Variants in GPHN observed in about 807,000 individuals in gnomAD.
The protein encoded by GPHN is gephyrin.
A neutral mutation model predicts 95.5 loss-of-function variants in GPHN; 17 were observed. The observed-to-expected ratio is 0.18, with a 90% CI of 0.12 to 0.27. GPHN has a LOEUF of 0.27. Ranked by LOEUF, GPHN falls within the 10% of genes least tolerant of loss-of-function variation. The probability of loss-of-function intolerance (pLI) is 1.00; values close to 1 mark genes in which losing one functional copy is unlikely to be tolerated. For synonymous variants in GPHN, 320 were observed against 322.5 expected (o/e 0.99, Z 0.08); for missense variants, 660 against 978.1 (o/e 0.67, Z 4.34).
chr14:67,256,602 C>T, the GPHN span, among the ~76,000 whole-genome samples: 4,630 of 152,158 alleles, frequency 0.03, 87 homozygotes, highest in Non-Finnish European at 0.036. Flanking sequence ...GGCTGGAGTG[C>T]AGTGGTGTGA....
intron 3 of GPHN, among the ~76,000 whole-genome samples, chr14:66,816,477 T>C (rs1463466716): frequency 1.3e-5 from 2 of 152,126 alleles, no homozygotes; most frequent in East Asian, 3.9e-4. Context: ...TGCAATCAAA[T>C]TAGAAATTAA....
At chr14:67,653,648 T>C in the GPHN span, 54 of 651,520 alleles carry the variant, frequency 8.3e-5, no homozygotes, top group Non-Finnish European at 9.2e-5. Context: ...TGAGTGTAAG[T>C]AGAAGAACCT....
chr14:66,656,004 T>C (rs566796011), intron 1 of GPHN, among the ~76,000 whole-genome samples: 30 of 152,266 alleles, frequency 2.0e-4, no homozygotes, highest in Non-Finnish European at 3.5e-4. Flanking sequence ...TTTACTAATA[T>C]TTTGTTAAGG....
the GPHN span, among the ~76,000 whole-genome samples, chr14:67,514,284 A>G: frequency 9.9e-5 from 15 of 152,156 alleles, no homozygotes. Context: ...AAGGAAGGGA[A>G]AGGGGTCCGT....
chr14:67,252,921 G>A, the GPHN span, among the ~76,000 whole-genome samples: 2 of 152,174 alleles, frequency 1.3e-5, no homozygotes, highest in African/African-American at 4.8e-5. Context: ...TTACTGGGAG[G>A]AAATCTAACA....
intron 1 of GPHN, among the ~76,000 whole-genome samples, chr14:66,574,291 TCTC>T (rs1457561267): frequency 2.6e-5 from 4 of 152,324 alleles, no homozygotes; most frequent in African/African-American, 9.6e-5. Flanking sequence ...TATGCTAACT[TCTC>T]CTTTCCCCCA....
intron 8 of GPHN, among the ~76,000 whole-genome samples, chr14:66,952,844 G>A (rs887509571): frequency 7.9e-5 from 12 of 151,926 alleles, no homozygotes; most frequent in East Asian, 3.9e-4. Context: ...ACAGGTGCCC[G>A]GCACCACGCC....
chr14:67,013,523 A>G (rs1436260685), intron 9 of GPHN, among the ~76,000 whole-genome samples: 4 of 152,108 alleles, frequency 2.6e-5, no homozygotes, highest in Admixed American at 2.6e-4. Flanking sequence ...AACATAATGT[A>G]CGCCATACAT....
chr14:66,632,398 T>A (rs1356337532), intron 1 of GPHN, among the ~76,000 whole-genome samples: 1 of 152,162 alleles, frequency 6.6e-6, no homozygotes, highest in African/African-American at 2.4e-5. Flanking sequence ...TTAGCTGAAA[T>A]ATTGATCCAG....
chr14:66,728,692 G>A (rs1769313957), intron 2 of GPHN, among the ~76,000 whole-genome samples: 1 of 152,192 alleles, frequency 6.6e-6, no homozygotes, highest in Non-Finnish European at 1.5e-5. Context: ...TACCCTCATT[G>A]TATCTAGGAA....
At chr14:67,184,158 A>G (rs1323431365), downstream of GPHN, among the ~76,000 whole-genome samples, 1 of 152,190 alleles carries the variant, frequency 6.6e-6, no homozygotes, top group Non-Finnish European at 1.5e-5. Flanking sequence ...CAGAAACAAA[A>G]TAGGTATAAG....
chr14:66,545,667 T>C (rs1475328305), intron 1 of GPHN, among the ~76,000 whole-genome samples: 1 of 118,738 alleles, frequency 8.4e-6, no homozygotes, highest in East Asian at 3.1e-4. Context: ...GGCTCCTCAC[T>C]TCCCAGTAGG....
At chr14:67,243,141 GA>G in the GPHN span, among the ~76,000 whole-genome samples, 1 of 151,406 alleles carries the variant, frequency 6.6e-6, no homozygotes, top group Non-Finnish European at 1.5e-5. Context: ...AGAGTGTCTA[GA>G]AAAAAATAGT....
At chr14:66,683,488 T>G (rs577016926) in intron 2 of GPHN, among the ~76,000 whole-genome samples, 2 of 87,716 alleles carry the variant, frequency 2.3e-5, no homozygotes, top group South Asian at 8.4e-4. Context: ...GATTGCAGTA[T>G]TCATTTAGTA....
the GPHN span, chr14:67,651,040 AT>A: frequency 1.8e-6 from 2 of 1,112,046 alleles, no homozygotes; most frequent in Non-Finnish European, 2.6e-6. Context: ...ACATTTACAC[AT>A]TCTCACAATT....
intron 8 of GPHN, among the ~76,000 whole-genome samples, chr14:66,963,550 A>G (rs1001098654): frequency 1.3e-5 from 2 of 152,110 alleles, no homozygotes; most frequent in African/African-American, 2.4e-5. Flanking sequence ...ATGTGATGTC[A>G]TATGAAGTAT....
the GPHN span, among the ~76,000 whole-genome samples, chr14:67,495,472 T>C: frequency 6.6e-6 from 1 of 152,116 alleles, no homozygotes; most frequent in Admixed American, 6.6e-5. Context: ...ATTTGTTAAA[T>C]CACAGCCTTC....
chr14:67,615,978 AAGTCTGATGC>A, the GPHN span: 1 of 324,422 alleles, frequency 3.1e-6, no homozygotes, highest in African/African-American at 2.2e-5. Flanking sequence ...AGCTAAAGGA[AAGTCTGATGC>A]AGCCAAAAAG....
chr14:67,054,822 C>T (rs1188025066), intron 10 of GPHN, among the ~76,000 whole-genome samples: 1 of 152,146 alleles, frequency 6.6e-6, no homozygotes, highest in Non-Finnish European at 1.5e-5. Context: ...TGATCTTCAA[C>T]AAACCTGACA....
Sources: allele counts gnomAD v4.1 joint callset (sites outside exome capture counted in the v4.1 genomes callset), GRCh38; gene constraint gnomAD v4.1.1; transcripts MANE v1.5; gene names NCBI Gene and HGNC (gene_info 2026-07-23, HGNC 2026-07-21).